Variants in CACHD1 observed in about 807,000 individuals in gnomAD.
CACHD1 encodes VWFA and cache domain-containing protein 1.
A neutral mutation model predicts 138.7 loss-of-function variants in CACHD1; 71 were observed. The ratio of observed to expected loss-of-function variants is 0.51; its 90% confidence interval spans 0.42 to 0.62. CACHD1 has a LOEUF of 0.62. Among genes scored for constraint, CACHD1 ranks in the 20% least tolerant of loss-of-function variants. CACHD1 has a pLI of 0.00. For synonymous variants in CACHD1, 578 were observed against 591.5 expected, an observed-to-expected ratio of 0.98 and a Z score of 0.33; for missense variants, 1,389 against 1,625.3, an observed-to-expected ratio of 0.85 and a Z score of 2.50.
At chr1:64,599,396 A>G (rs1051658038) in intron 3 of CACHD1, among the ~76,000 whole-genome samples, 14 of 152,196 alleles carry the variant, frequency 9.2e-5, no homozygotes, top group Non-Finnish European at 1.9e-4. Context: ...GGAAGGACTC[A>G]TCATGGGCCA....
At position 64,470,157 on chromosome 1, in the gene CACHD1, A is replaced by T. The variant is rs1454312251; in HGVS notation, c.-588A>T. ...CGGGAAGTGCACAGAGCCGGAGCGC[A>T]GCGTGGTGGCACCAGACGCCTCCCT... On this transcript the variant is annotated 5_prime_UTR_variant, in exon 1 of 27. Coordinates refer to ENST00000651257, the MANE Select transcript of CACHD1 (RefSeq NM_020925.4). The surrounding 1 kb of genome is among the most constrained non-coding windows in gnomAD (Gnocchi z 5.2). Among the ~76,000 whole-genome samples, 2 of 151,946 alleles carry T rather than the reference A, an allele frequency of 1.3e-5. No individual in the cohort carries two copies. The highest frequency in any genetic ancestry group is 2.0e-4 in the East Asian group (1 of 5,110).
At chr1:64,485,855 G>A (rs1461157444) in intron 1 of CACHD1, among the ~76,000 whole-genome samples, 1 of 152,130 alleles carries the variant, frequency 6.6e-6, no homozygotes, top group Non-Finnish European at 1.5e-5. Flanking sequence ...GTAGTTTTGG[G>A]TTGAATGTAA....
At chr1:64,622,467 G>A (rs569205844) in intron 4 of CACHD1, among the ~76,000 whole-genome samples, 4 of 152,212 alleles carry the variant, frequency 2.6e-5, no homozygotes, top group Admixed American at 1.3e-4. Flanking sequence ...AAATCATTTC[G>A]TTTTGTTACA....
At chr1:64,535,063 C>T (rs1041102721) in intron 1 of CACHD1, among the ~76,000 whole-genome samples, 1 of 152,098 alleles carries the variant, frequency 6.6e-6, no homozygotes, top group Admixed American at 6.6e-5. Flanking sequence ...TCAAAGTGCC[C>T]GTTCCTTCTT....
Position 64,691,635 on chromosome 1 carries a change from A to C in CACHD1, c.*74A>C. 7.2e-7 allele frequency: 1 copy of C among 1,389,848 alleles called. No individual in the cohort carries two copies. Among genetic ancestry groups the C allele is most frequent in the South Asian group, 1.2e-5 (1 of 83,328 alleles). The allele number at this position is 1,389,848 out of a possible 1,614,324, so 86.1% of individuals were successfully genotyped here. On this transcript the variant is annotated 3_prime_UTR_variant, in exon 27 of 27. Transcript: ENST00000651257. ...TTCTGGAAAGAAAAAGAACCGGCTTAAAACCCACAGCAAGAGACCTCCCTT... is the reference window on the plus strand; with the variant it reads ...TTCTGGAAAGAAAAAGAACCGGCTTCAAACCCACAGCAAGAGACCTCCCTT...
chr1:64,479,514 G>A (rs1234293489), intron 1 of CACHD1, among the ~76,000 whole-genome samples: 1 of 152,206 alleles, frequency 6.6e-6, no homozygotes, highest in East Asian at 1.9e-4. Context: ...TGGTTTTGGA[G>A]TTTAGAGAAC....
At chr1:64,676,337 A>T (rs1649990836) in intron 21 of CACHD1, among the ~76,000 whole-genome samples, 3 of 152,184 alleles carry the variant, frequency 2.0e-5, no homozygotes. Context: ...ATAAATATGC[A>T]AGTGTTTTTT....
At chr1:64,658,573 T>A in intron 12 of CACHD1, 132 bp from the exon 13 acceptor site, 4 of 600,010 alleles carry the variant, frequency 6.7e-6, no homozygotes, top group Non-Finnish European at 1.1e-5. Flanking sequence ...CTTCATTCAT[T>A]CATCCCATAT....
rs558572361 is a variant in CACHD1 at position 64,634,345 on chromosome 1, G to A, written c.1006+85G>A. 15 of 691,354 alleles carry A rather than the reference G, an allele frequency of 2.2e-5. 1 individual carries two copies. In the Middle Eastern group the frequency reaches 1.2e-3, roughly 54 times the overall value. 42.8% of individuals were successfully genotyped at this position (691,354 alleles called of 1,614,324 possible). A position where few individuals can be genotyped will look rare whatever the true frequency, so the allele number is the denominator to read the frequency against. ...TATTGTAAATTGATCACACAATGAT[G>A]TTTAGAGAGATTTTATTTATTTATT... On this transcript the variant is annotated intron_variant, in intron 7 of 26. Coordinates refer to ENST00000651257, the MANE Select transcript of CACHD1 (RefSeq NM_020925.4).
chr1:64,474,686 A>G (rs368852509), intron 1 of CACHD1, among the ~76,000 whole-genome samples: 1 of 152,264 alleles, frequency 6.6e-6, no homozygotes, highest in Non-Finnish European at 1.5e-5. Context: ...CAGGTAAACC[A>G]GCTAAGTAAC....
At chr1:64,500,732 AAAAGAG>A (rs1262039873) in intron 1 of CACHD1, among the ~76,000 whole-genome samples, 4,796 of 50,674 alleles carry the variant, frequency 0.095, 184 homozygotes, top group African/African-American at 0.15. Context: ...AAAAAAAAAA[AAAAGAG>A]AGAGAGAGAG....
At position 64,602,915 on chromosome 1, in the gene CACHD1, C is replaced by T. The variant is rs1281099806; in HGVS notation, c.517+3C>T. On this transcript the variant is annotated splice_donor_region_variant and intron_variant, in intron 4 of 26. Coordinates refer to ENST00000651257, the MANE Select transcript of CACHD1 (RefSeq NM_020925.4). ...TCCAGGACGAGACTTAAATTCAGGT[C>T]AGTAATCCATTGGCTTTATAAAGAT... 6.3e-7 allele frequency: 1 copy of T among 1,583,198 alleles called. No homozygotes were observed. The highest frequency in any genetic ancestry group is 8.7e-7 in the Non-Finnish European group (1 of 1,152,198).
At chr1:64,622,503 A>T (rs1647950647) in intron 4 of CACHD1, among the ~76,000 whole-genome samples, 1 of 152,216 alleles carries the variant, frequency 6.6e-6, no homozygotes. Context: ...ACTTATTTAC[A>T]TTGTATGTAC....
intron 7 of CACHD1, among the ~76,000 whole-genome samples, chr1:64,640,149 G>T (rs1448170586): frequency 2.0e-5 from 3 of 152,106 alleles, no homozygotes; most frequent in Non-Finnish European, 4.4e-5. Flanking sequence ...CCGCATTCTA[G>T]TCATTATAAG....
intron 13 of CACHD1, among the ~76,000 whole-genome samples, 160 bp from the exon 14 acceptor site, chr1:64,663,535 A>C (rs1177282059): frequency 1.4e-5 from 2 of 147,902 alleles, no homozygotes; most frequent in African/African-American, 5.0e-5. Flanking sequence ...TGGGCCACAG[A>C]GCGAGACTCC....
chr1:64,488,079 GAA>G (rs1646253882), intron 1 of CACHD1, among the ~76,000 whole-genome samples: 1 of 152,130 alleles, frequency 6.6e-6, no homozygotes, highest in African/African-American at 2.4e-5. Context: ...ATGATACTGA[GAA>G]AAGTTACAAA....
chr1:64,560,304 C>A (rs1017545863), intron 2 of CACHD1, among the ~76,000 whole-genome samples: 3 of 151,846 alleles, frequency 2.0e-5, no homozygotes, highest in African/African-American at 7.3e-5. Flanking sequence ...AACATTAGAT[C>A]ACTGATTTTT....
At chr1:64,634,362 T>A (rs1648431758) in intron 7 of CACHD1, 102 bp downstream of exon 7, 4 of 444,074 alleles carry the variant, frequency 9.0e-6, no homozygotes, top group Non-Finnish European at 1.5e-5. Flanking sequence ...GAGATTTTAT[T>A]TATTTATTTA....
chr1:64,625,909 C>T lies in CACHD1; in HGVS notation c.518-3446C>T, dbSNP rs548091553. On this transcript the variant is annotated intron_variant, in intron 4 of 26. Transcript: ENST00000651257. ...TAAATGCTATATGTGGGAGCATTAG[C>T]ACAAAGCTGTCACATGCAGATGCCA... is the stretch of plus-strand genomic sequence containing the variant. 3.7e-4 allele frequency among the ~76,000 whole-genome samples: 56 copies of T among 152,282 alleles called. 1 individual carries two copies. Among genetic ancestry groups the T allele is most frequent in the African/African-American group, 1.3e-3 (54 of 41,564 alleles).
Sources: gnomAD v4.1 joint callset for allele counts (sites outside exome capture counted in the v4.1 genomes callset) on GRCh38, gnomAD v4.1.1 for gene constraint, Gnocchi (gnomAD v3.1) non-coding constraint, MANE v1.5 for transcripts, NCBI Gene and HGNC (gene_info 2026-07-23, HGNC 2026-07-21) for gene names.